The following BRD10 variants were observed in gnomAD, a reference collection of about 807,000 sequenced individuals.
The protein encoded by BRD10 is bromodomain containing 10.
At chr9:5,905,542 T>A in the BRD10 span, among the ~76,000 whole-genome samples, 1 of 152,238 alleles carries the variant, frequency 6.6e-6, no homozygotes, top group Admixed American at 6.5e-5. Flanking sequence ...TGTGGTATAC[T>A]TTCCAAACTG....
At chr9:5,881,894 C>G in the BRD10 span, among the ~76,000 whole-genome samples, 81 of 152,340 alleles carry the variant, frequency 5.3e-4, no homozygotes, top group Non-Finnish European at 8.7e-4. Context: ...GTGGCAGGCT[C>G]TGCGCCAAGC....
At chr9:5,910,378 C>CA in the BRD10 span, 1 of 152,184 alleles carries the variant, frequency 6.6e-6, no homozygotes, top group South Asian at 2.1e-4. Flanking sequence ...CAACATTTAA[C>CA]AAAATATTAA....
chr9:6,005,032 G>C, the BRD10 span, among the ~76,000 whole-genome samples: 3 of 152,160 alleles, frequency 2.0e-5, no homozygotes, highest in Non-Finnish European at 4.4e-5. Flanking sequence ...ACTGGCCTAA[G>C]AATGTCAGAA....
At chr9:5,982,591 C>T in the BRD10 span, among the ~76,000 whole-genome samples, 228 of 152,342 alleles carry the variant, frequency 1.5e-3, no homozygotes, top group African/African-American at 5.1e-3. Flanking sequence ...AGTTTCGGGA[C>T]TCTGCAGAGA....
the BRD10 span, among the ~76,000 whole-genome samples, chr9:5,986,686 GAGAT>G: frequency 6.6e-6 from 1 of 152,136 alleles, no homozygotes; most frequent in Non-Finnish European, 1.5e-5. Context: ...AACACTAAAA[GAGAT>G]AGCTTAATTC....
chr9:5,941,117 G>T, the BRD10 span, among the ~76,000 whole-genome samples: 1 of 151,880 alleles, frequency 6.6e-6, no homozygotes, highest in Non-Finnish European at 1.5e-5. Flanking sequence ...AGGGAAAAGG[G>T]GATTATATGA....
At chr9:5,963,813 C>T in the BRD10 span, among the ~76,000 whole-genome samples, 9 of 152,028 alleles carry the variant, frequency 5.9e-5, no homozygotes, top group South Asian at 1.9e-3. Flanking sequence ...GAAAGGATTC[C>T]CCATTTAATA....
chr9:5,935,787 C>A, the BRD10 span, among the ~76,000 whole-genome samples: 5 of 152,134 alleles, frequency 3.3e-5, no homozygotes, highest in Admixed American at 6.5e-5. Flanking sequence ...TTTTCATATT[C>A]TCTCACAACG....
the BRD10 span, among the ~76,000 whole-genome samples, chr9:5,931,827 G>A: frequency 6.6e-6 from 1 of 152,166 alleles, no homozygotes; most frequent in Non-Finnish European, 1.5e-5. Flanking sequence ...CATGGAGAAT[G>A]TGAGTCAAGT....
the BRD10 span, chr9:5,919,516 T>C: frequency 1.8e-6 from 1 of 559,066 alleles, no homozygotes; most frequent in Non-Finnish European, 2.9e-6. Context: ...CAAAGCCTTG[T>C]TGCAAGCTAA....
the BRD10 span, chr9:5,907,066 T>C: frequency 1.9e-6 from 2 of 1,054,036 alleles, no homozygotes; most frequent in Non-Finnish European, 2.7e-6. Context: ...AATACAATTA[T>C]TTCCATTTAA....
the BRD10 span, among the ~76,000 whole-genome samples, chr9:5,881,376 A>G: frequency 6.6e-6 from 1 of 152,212 alleles, no homozygotes; most frequent in Non-Finnish European, 1.5e-5. Flanking sequence ...CTATGAAGGG[A>G]AGACTGGAAA....
chr9:5,893,467 G>T, the BRD10 span, among the ~76,000 whole-genome samples: 1 of 152,196 alleles, frequency 6.6e-6, no homozygotes, highest in Non-Finnish European at 1.5e-5. Context: ...GCCCAACAAA[G>T]GCACTGAGGA....
the BRD10 span, among the ~76,000 whole-genome samples, chr9:5,891,464 G>A: frequency 6.6e-6 from 1 of 152,166 alleles, no homozygotes; most frequent in East Asian, 1.9e-4. Flanking sequence ...AAATGTCCCA[G>A]TGGAAAGGGG....
At chr9:5,989,499 G>A in the BRD10 span, among the ~76,000 whole-genome samples, 1 of 150,230 alleles carries the variant, frequency 6.7e-6, no homozygotes, top group East Asian at 1.9e-4. Context: ...CTTTCCTACA[G>A]GCTTTAACAT....
the BRD10 span, among the ~76,000 whole-genome samples, chr9:5,977,280 C>T: frequency 1.3e-5 from 2 of 152,114 alleles, no homozygotes; most frequent in African/African-American, 2.4e-5. Flanking sequence ...TACACTGTAC[C>T]TTTCAGGGGA....
At chr9:5,889,654 G>A in the BRD10 span, among the ~76,000 whole-genome samples, 14 of 151,948 alleles carry the variant, frequency 9.2e-5, no homozygotes, top group East Asian at 9.7e-4. Context: ...GTGTGGTGGC[G>A]TGCACCTGTA....
chr9:5,966,068 C>G, the BRD10 span, among the ~76,000 whole-genome samples: 1 of 152,132 alleles, frequency 6.6e-6, no homozygotes, highest in Non-Finnish European at 1.5e-5. Flanking sequence ...ATTTTTGTCA[C>G]TTAAGATCTG....
the BRD10 span, among the ~76,000 whole-genome samples, chr9:5,945,913 A>C: frequency 4.6e-5 from 7 of 152,112 alleles, no homozygotes; most frequent in African/African-American, 9.6e-5. Context: ...TTAAAAAAAA[A>C]CTGTACTTAT....
Sources: gnomAD v4.1 joint callset for allele counts (sites outside exome capture counted in the v4.1 genomes callset) on GRCh38, gnomAD v4.1.1 for gene constraint, MANE v1.5 for transcripts, NCBI Gene and HGNC (gene_info 2026-07-23, HGNC 2026-07-21) for gene names.